FBXO42: variants seen among roughly 807,000 people sequenced by gnomAD.
The protein encoded by FBXO42 is F-box only protein 42.
In FBXO42, 12 loss-of-function variants were observed where a neutral mutation model predicts 71.7. The observed-to-expected ratio is 0.17, with a 90% CI of 0.11 to 0.27. The LOEUF (loss-of-function observed/expected upper bound fraction) is 0.27. Among genes scored for constraint, FBXO42 ranks in the 10% least tolerant of loss-of-function variants. The pLI is 1.00. For synonymous variants in FBXO42, 325 were observed against 327.5 expected (o/e 0.99, Z 0.08); for missense variants, 707 against 911.9 (o/e 0.78, Z 2.89).
chr1:16,296,715 T>C (rs2082134187), intron 3 of FBXO42, among the ~76,000 whole-genome samples: 1 of 151,886 alleles, frequency 6.6e-6, no homozygotes, highest in Non-Finnish European at 1.5e-5. Flanking sequence ...CATTGCCCTG[T>C]GCATGGCTTT....
chr1:16,255,352 T>TC (rs1318011671), intron 6 of FBXO42, among the ~76,000 whole-genome samples: 2 of 145,414 alleles, frequency 1.4e-5, no homozygotes, highest in Non-Finnish European at 3.1e-5. Flanking sequence ...TTTTTTTTTT[T>TC]CCTTAAGAGT....
chr1:16,253,069 T>C (rs1239882379), intron 8 of FBXO42, 27 bp downstream of exon 8: 11 of 1,607,852 alleles, frequency 6.8e-6, no homozygotes, highest in African/African-American at 1.3e-5. Context: ...AGCATGCACA[T>C]GGGAATGCCA....
chr1:16,262,308 C>T (rs763717509), intron 4 of FBXO42, among the ~76,000 whole-genome samples: 33 of 152,166 alleles, frequency 2.2e-4, no homozygotes, highest in Non-Finnish European at 4.1e-4. Flanking sequence ...CAGGAGTATA[C>T]CAAAATGCCT....
At chr1:16,344,486 C>CTTTTTT (rs59077549) in intron 1 of FBXO42, among the ~76,000 whole-genome samples, 2 of 87,154 alleles carry the variant, frequency 2.3e-5, no homozygotes, top group African/African-American at 4.4e-5. Flanking sequence ...ACCCAGCTAA[C>CTTTTTT]TTTTTTTTTT....
At chr1:16,254,672 C>T (rs1301657652) in intron 6 of FBXO42, among the ~76,000 whole-genome samples, 1 of 152,186 alleles carries the variant, frequency 6.6e-6, no homozygotes, top group East Asian at 1.9e-4. Flanking sequence ...TAAGGGAGGA[C>T]AGGTGTGGGA....
chr1:16,297,599 C>T lies in FBXO42; in HGVS notation c.368-2682G>A, dbSNP rs183079709. Reference sequence around the variant, plus strand: ...AGTCCAGGCCGGGCGTGGTGGCTCACGCCAGTAATCCCAGCACTTTGGGAG... The same window carrying T: ...AGTCCAGGCCGGGCGTGGTGGCTCATGCCAGTAATCCCAGCACTTTGGGAG... On this transcript the variant is annotated intron_variant, in intron 3 of 9. Transcript: ENST00000375592. Among the ~76,000 whole-genome samples the T allele has an allele frequency of 8.8e-3, 1,333 of 152,176 alleles. 11 individuals are homozygous for T. The highest frequency in any genetic ancestry group is 0.013 in the Non-Finnish European group (909 of 68,010).
chr1:16,250,675 T>C lies in FBXO42; in HGVS notation c.2149A>G (p.Arg717Gly). 1 of 1,612,706 alleles carries C rather than the reference T, an allele frequency of 6.2e-7. No individual in the cohort carries two copies. The highest frequency in any genetic ancestry group is 8.5e-7 in the Non-Finnish European group (1 of 1,179,112). The change falls in exon 10 of 10, where the codon AGA becomes GGA. Residue 717 changes from arginine to glycine, a missense_variant. Physicochemically the swap from Arg to Gly is moderately radical, Grantham distance 125. Around this residue, in one of 5 missense-constraint regions of FBXO42, gnomAD observed 18 missense variants for 22.3 expected, o/e 0.81. Coordinates refer to ENST00000375592, the MANE Select transcript of FBXO42 (RefSeq NM_018994.3). This position sits in a 1 kb window ranked among gnomAD's most constrained non-coding sequence, Gnocchi z 4.7. ...TNALYFVRAKR is the reference protein window; with the variant it reads ...TNALYFVRAKG ...GGAAAGGGGTTTAGAACACATTATC[T>C]CTTTGCTCGTACAAAGTACAAGGCG...
chr1:16,307,170 G>A (rs1569895175), intron 2 of FBXO42, among the ~76,000 whole-genome samples: 1 of 152,084 alleles, frequency 6.6e-6, no homozygotes, highest in East Asian at 1.9e-4. Flanking sequence ...GGGACTACAG[G>A]TATGAGCTAC....
At chr1:16,264,903 T>G (rs1180144090) in intron 4 of FBXO42, among the ~76,000 whole-genome samples, 2 of 152,228 alleles carry the variant, frequency 1.3e-5, no homozygotes, top group African/African-American at 4.8e-5. Flanking sequence ...TGTTTACGTT[T>G]GCAAAGAAGC....
At chr1:16,264,070 C>CA (rs1351774122) in intron 4 of FBXO42, among the ~76,000 whole-genome samples, 1 of 152,060 alleles carries the variant, frequency 6.6e-6, no homozygotes, top group African/African-American at 2.4e-5. Flanking sequence ...CTCAGCCTCC[C>CA]AAAGTGCAGG....
chr1:16,338,292 G>A (rs1449926927), intron 1 of FBXO42, among the ~76,000 whole-genome samples: 1 of 143,042 alleles, frequency 7.0e-6, no homozygotes, highest in Non-Finnish European at 1.5e-5. Context: ...CTTGAGCACT[G>A]AAGTTGAGGC....
At chr1:16,272,154 C>CAAAA (rs999974704) in intron 4 of FBXO42, among the ~76,000 whole-genome samples, 1 of 44,638 alleles carries the variant, frequency 2.2e-5, no homozygotes, top group Admixed American at 2.6e-4. Flanking sequence ...GACTCCGTCC[C>CAAAA]AAAAAAAAAA....
At chr1:16,327,768 T>C (rs2082463524) in intron 1 of FBXO42, among the ~76,000 whole-genome samples, 1 of 152,188 alleles carries the variant, frequency 6.6e-6, no homozygotes, top group Non-Finnish European at 1.5e-5. Context: ...AATGGTGCAA[T>C]CTCTGCTCAC....
intron 4 of FBXO42, among the ~76,000 whole-genome samples, chr1:16,291,837 C>A (rs1934490): frequency 0.98 from 149,435 of 152,270 alleles, 73,343 homozygotes; most frequent in East Asian, 1. Flanking sequence ...ATGCCCGGCT[C>A]ATTTTTAATT....
chr1:16,249,719 T>C lies in FBXO42; in HGVS notation c.*951A>G, dbSNP rs1192314006. The C allele has an allele frequency of 6.6e-6, 1 of 151,786 alleles. No individual in the cohort carries two copies. The highest frequency in any genetic ancestry group is 1.9e-4 in the East Asian group (1 of 5,186). 9.4% of individuals were successfully genotyped at this position (151,786 alleles called of 1,614,324 possible). A position where few individuals can be genotyped will look rare whatever the true frequency, so the allele number is the denominator to read the frequency against. On this transcript the variant is annotated 3_prime_UTR_variant, in exon 10 of 10. Coordinates refer to ENST00000375592, the MANE Select transcript of FBXO42 (RefSeq NM_018994.3). ...ATTTCTAAGCAGCTTCTGATTTCTGTAGGCACCTGAGCTTTGTAAAAGAAA... is the reference window on the plus strand; with the variant it reads ...ATTTCTAAGCAGCTTCTGATTTCTGCAGGCACCTGAGCTTTGTAAAAGAAA...
intron 5 of FBXO42, 82 bp downstream of exon 5, chr1:16,256,524 G>A: frequency 7.0e-7 from 1 of 1,421,446 alleles, no homozygotes; most frequent in South Asian, 1.3e-5. Flanking sequence ...TTCTCAAAGG[G>A]ACTCTTGACA....
intron 4 of FBXO42, among the ~76,000 whole-genome samples, chr1:16,259,416 G>A (rs2081684469): frequency 6.6e-6 from 1 of 152,182 alleles, no homozygotes; most frequent in South Asian, 2.1e-4. Context: ...AGACTAGAAT[G>A]TGGATTTGGA....
chr1:16,334,243 T>C (rs959818568), intron 1 of FBXO42, among the ~76,000 whole-genome samples: 25 of 151,830 alleles, frequency 1.6e-4, no homozygotes, highest in African/African-American at 3.1e-4. Context: ...ACCATCCTGG[T>C]TAACACGGTG....
chr1:16,290,013 C>A (rs1045289061), intron 4 of FBXO42, among the ~76,000 whole-genome samples: 1 of 152,076 alleles, frequency 6.6e-6, no homozygotes, highest in Non-Finnish European at 1.5e-5. Flanking sequence ...TTTCCCGTTA[C>A]AATATAAGCT....
Sources: gnomAD v4.1 joint callset for allele counts (sites outside exome capture counted in the v4.1 genomes callset) on GRCh38, gnomAD v4.1.1 for gene constraint, gnomAD v4.1.1 regional missense constraint, Gnocchi (gnomAD v3.1) non-coding constraint, MANE v1.5 for transcripts, NCBI Gene and HGNC (gene_info 2026-07-23, HGNC 2026-07-21) for gene names.